The following GALNT5 variants were observed in gnomAD, a reference collection of about 807,000 sequenced individuals.
GALNT5 encodes the protein UDP-GalNAc:polypeptide N-acetylgalactosaminyltransferase 5.
In GALNT5, 72 loss-of-function variants were observed where a neutral mutation model predicts 85.4. That is an observed-to-expected ratio of 0.84 (90% CI 0.70 to 1.03). The LOEUF is 1.03. GALNT5 is among the 50% of genes least tolerant of loss of function. GALNT5 has a pLI of 0.00. For missense variants in GALNT5, 1,137 were observed against 1,135.5 expected (o/e 1.00, Z -0.02); for synonymous variants, 404 against 397.0 (o/e 1.02, Z -0.21).
At chr2:157,308,785 G>T in intron 9 of GALNT5, 57 bp downstream of exon 9, 1 of 1,396,514 alleles carries the variant, frequency 7.2e-7, no homozygotes, top group Non-Finnish European at 9.9e-7. Flanking sequence ...GATCAAATAG[G>T]ACATAAAATT....
In GALNT5 at chr2:157,259,409, C is replaced by T. The variant is rs140478877; in HGVS notation, c.1327C>T (p.Arg443Cys). Reference sequence around the variant, plus strand: ...CCCCAAAGCTCCAGGGCAGTTTGGGCGTCCTGTAGTTGTCCCCCATGGAAA... The same window carrying T: ...CCCCAAAGCTCCAGGGCAGTTTGGGTGTCCTGTAGTTGTCCCCCATGGAAA... ...RDPKAPGQFGRPVVVPHGKEK... is the reference protein window; with the variant it reads ...RDPKAPGQFGCPVVVPHGKEK... The change falls in exon 1 of 10, where the codon CGT becomes TGT. Residue 443 changes from arginine (R) to cysteine (C), a missense_variant. Physicochemically the swap from Arg to Cys is radical, Grantham distance 180. Transcript: ENST00000259056. 8.8e-5 allele frequency: 131 copies of T among 1,485,770 alleles called. No individual in the cohort carries two copies. The highest frequency in any genetic ancestry group is 1.8e-4 in the Admixed American group (8 of 44,834). 92.0% of individuals were successfully genotyped at this position (1,485,770 alleles called of 1,614,324 possible).
At position 157,258,355 on chromosome 2, in the gene GALNT5, T is replaced by C. The variant is rs984184549; in HGVS notation, c.273T>C (p.Val91=). Residue 91 remains valine, a synonymous_variant, in exon 1 of 10, where the codon GTT becomes GTC. Coordinates refer to ENST00000259056, the MANE Select transcript of GALNT5 (RefSeq NM_014568.3). ...HGKGAWGKEN[V]RKTEESVLKV... Reference sequence around the variant, plus strand: ...AAGGGGCATGGGGCAAAGAGAATGTTAGAAAAACTGAGGAGAGTGTGCTCA... The same window carrying C: ...AAGGGGCATGGGGCAAAGAGAATGTCAGAAAAACTGAGGAGAGTGTGCTCA... 8.7e-6 allele frequency: 14 copies of C among 1,606,496 alleles called. No homozygotes were observed. The African/African-American group carries it at 1.5e-4, about 17-fold the overall frequency.
intron 1 of GALNT5, 116 bp downstream of exon 1, chr2:157,259,652 CATT>C (rs1682294307): frequency 1.5e-6 from 1 of 674,454 alleles, no homozygotes; most frequent in South Asian, 5.6e-5. Flanking sequence ...ATTAAAGAAA[CATT>C]AATCATTGGA....
intron 1 of GALNT5, among the ~76,000 whole-genome samples, chr2:157,267,257 T>C (rs894291780): frequency 1.3e-5 from 2 of 152,056 alleles, no homozygotes; most frequent in African/African-American, 4.8e-5. Flanking sequence ...AGGAGAGCAA[T>C]GAGGACGTAA....
At chr2:157,286,490 C>CA (rs1221558256) in intron 3 of GALNT5, among the ~76,000 whole-genome samples, 1 of 151,862 alleles carries the variant, frequency 6.6e-6, no homozygotes, top group African/African-American at 2.4e-5. Flanking sequence ...TCATTGTTCC[C>CA]AAAATGTTTT....
chr2:157,306,568 C>T (rs1223094303), intron 8 of GALNT5, among the ~76,000 whole-genome samples: 1 of 152,164 alleles, frequency 6.6e-6, no homozygotes, highest in Non-Finnish European at 1.5e-5. Context: ...TTTGTGGAAA[C>T]AGTTATTGGT....
In GALNT5 at chr2:157,258,459, T is replaced by G; in HGVS notation, c.377T>G (p.Leu126Trp). ...CTGGGAAGGGGCAAGGTTGTGCCGT[T>G]GTGGCATCCTGCACATCTGCAGACC... ...NALGRGKVVP[L>W]WHPAHLQTLP... The change falls in exon 1 of 10, where the codon TTG becomes TGG. Residue 126 changes from leucine (L) to tryptophan (W), a missense_variant. Coordinates refer to ENST00000259056, the MANE Select transcript of GALNT5 (RefSeq NM_014568.3). 2 of 1,605,534 alleles carry G rather than the reference T, an allele frequency of 1.2e-6. No homozygotes were observed. The highest frequency in any genetic ancestry group is 8.5e-7 in the Non-Finnish European group (1 of 1,177,084).
chr2:157,284,397 C>T lies in GALNT5; in HGVS notation c.1570C>T (p.Pro524Ser). The T allele has an allele frequency of 6.2e-7, 1 of 1,613,970 alleles. No homozygotes were observed. The highest frequency in any genetic ancestry group is 8.5e-7 in the Non-Finnish European group (1 of 1,179,860). The change falls in exon 2 of 10, where the codon CCT becomes TCT. Residue 524 changes from proline (P) to serine (S), a missense_variant. Coordinates refer to ENST00000259056, the MANE Select transcript of GALNT5 (RefSeq NM_014568.3). The stretch of plus-strand genomic sequence containing the variant: ...TGTTCACAGTGTCATCAATCGCTCT[C>T]CTCCACACCTCATCAAGGAGATTCT... Reference protein sequence around the residue: ...RSVHSVINRSPPHLIKEILLV... With the variant: ...RSVHSVINRSSPHLIKEILLV...
chr2:157,308,009 T>C (rs1294222078), intron 8 of GALNT5, among the ~76,000 whole-genome samples: 1 of 152,200 alleles, frequency 6.6e-6, no homozygotes, highest in Non-Finnish European at 1.5e-5. Context: ...TGATTCCTCA[T>C]GCTAGTAGCA....
chr2:157,268,596 C>T (rs549126564), intron 1 of GALNT5, among the ~76,000 whole-genome samples: 3 of 152,296 alleles, frequency 2.0e-5, no homozygotes, highest in South Asian at 2.1e-4. Context: ...AACTGACTTG[C>T]CCATGGCCAT....
At chr2:157,289,927 A>G (rs1002191972) in intron 3 of GALNT5, among the ~76,000 whole-genome samples, 9 of 151,874 alleles carry the variant, frequency 5.9e-5, no homozygotes, top group African/African-American at 1.9e-4. Flanking sequence ...CAAAAAAATT[A>G]GCTGGGAGTG....
intron 6 of GALNT5, among the ~76,000 whole-genome samples, chr2:157,300,145 A>G (rs1359108542): frequency 6.6e-6 from 1 of 152,218 alleles, no homozygotes. Context: ...TTATACAATC[A>G]TTGATTAACT....
Position 157,315,003 on chromosome 2 carries a change from G to A in GALNT5, c.*3655G>A, listed in dbSNP as rs1040854410. 5.9e-5 allele frequency among the ~76,000 whole-genome samples: 9 copies of A among 152,086 alleles called. No homozygotes were observed. Among genetic ancestry groups the A allele is most frequent in the African/African-American group, 1.7e-4 (7 of 41,412 alleles). On this transcript the variant is annotated 3_prime_UTR_variant, in exon 10 of 10. Transcript: ENST00000259056. ...TGAAGCAGGAGAATTGCTTGTACCC[G>A]GGAGGTGGAGGTTGCAGTGAGCTGA...
At chr2:157,300,352 A>G (rs1683313372) in intron 6 of GALNT5, among the ~76,000 whole-genome samples, 1 of 152,186 alleles carries the variant, frequency 6.6e-6, no homozygotes, top group Non-Finnish European at 1.5e-5. Context: ...ACAAATGGAC[A>G]TCTATACTTC....
intron 1 of GALNT5, among the ~76,000 whole-genome samples, chr2:157,274,476 T>A (rs2105129986): frequency 6.6e-6 from 1 of 152,306 alleles, no homozygotes; most frequent in East Asian, 1.9e-4. Flanking sequence ...TTTCTCCACA[T>A]CCTCTCCAGC....
chr2:157,309,800 G>T (rs1345054612), intron 9 of GALNT5, among the ~76,000 whole-genome samples: 1 of 152,072 alleles, frequency 6.6e-6, no homozygotes, highest in Non-Finnish European at 1.5e-5. Flanking sequence ...AATTCTTTCT[G>T]AACAGTTTTT....
chr2:157,311,067 A>G (rs779815799), intron 9 of GALNT5, 141 bp from the exon 10 acceptor site: 1 of 695,832 alleles, frequency 1.4e-6, no homozygotes, highest in Non-Finnish European at 2.5e-6. Context: ...GTCTGTGTTT[A>G]TGTTAATAAT....
chr2:157,308,681 G>A lies in GALNT5; in HGVS notation c.2635G>A (p.Gly879Arg). The change falls in exon 9 of 10, where the codon GGG becomes AGG. Residue 879 changes from glycine (G) to arginine (R), a missense_variant. By Grantham distance (125) the Gly-to-Arg change is moderately radical (BLOSUM62 -2). Coordinates refer to ENST00000259056, the MANE Select transcript of GALNT5 (RefSeq NM_014568.3). ...GCACCCTTGTGATAACAGAAACAAA[G>A]GGCTAAAATGGCTGCATAAATCAAC... ...RLHPCDNRNKGLKWLHKSTSV... is the reference protein window; with the variant it reads ...RLHPCDNRNKRLKWLHKSTSV... 1 of 1,613,776 alleles carries A rather than the reference G, an allele frequency of 6.2e-7. No individual in the cohort carries two copies. Among genetic ancestry groups the A allele is most frequent in the Non-Finnish European group, 8.5e-7 (1 of 1,179,820 alleles).
At chr2:157,289,664 T>C (rs992616217) in intron 3 of GALNT5, among the ~76,000 whole-genome samples, 1 of 152,122 alleles carries the variant, frequency 6.6e-6, no homozygotes, top group Non-Finnish European at 1.5e-5. Flanking sequence ...GAAAAGGAAT[T>C]TTTTTCCCCT....
Sources: allele counts gnomAD v4.1 joint callset (sites outside exome capture counted in the v4.1 genomes callset), GRCh38; gene constraint gnomAD v4.1.1; transcripts MANE v1.5; gene names NCBI Gene and HGNC (gene_info 2026-07-23, HGNC 2026-07-21).